Variants in DTD1 observed in about 807,000 individuals in gnomAD.
DTD1 encodes D-aminoacyl-tRNA deacylase 1.
A neutral mutation model predicts 25.6 loss-of-function variants in DTD1; 13 were observed. The observed-to-expected ratio is 0.51, with a 90% CI of 0.33 to 0.81. The LOEUF (loss-of-function observed/expected upper bound fraction) is 0.81. Among genes scored for constraint, DTD1 ranks in the 30% least tolerant of loss-of-function variants. The probability of loss-of-function intolerance (pLI) is 0.02; values close to 1 mark genes in which losing one functional copy is unlikely to be tolerated. For synonymous variants in DTD1, 110 were observed against 103.6 expected (o/e 1.06, Z -0.37); for missense variants, 193 against 266.4 (o/e 0.72, Z 1.92).
intron 4 of DTD1, among the ~76,000 whole-genome samples, chr20:18,709,280 C>T (rs1432426362): frequency 6.6e-6 from 1 of 152,154 alleles, no homozygotes; most frequent in Non-Finnish European, 1.5e-5. Context: ...CAGAAAGGTG[C>T]ATGTTTATGT....
At chr20:18,698,982 A>C (rs954575880) in intron 4 of DTD1, among the ~76,000 whole-genome samples, 1 of 152,104 alleles carries the variant, frequency 6.6e-6, no homozygotes, top group Non-Finnish European at 1.5e-5. Context: ...GTCTGTGTCC[A>C]AGGCAGGCCA....
In DTD1 at chr20:18,701,638, G is replaced by A. The variant is rs147689287; in HGVS notation, c.478-42462G>A. The stretch of plus-strand genomic sequence containing the variant: ...GGAGTCTGTCTGGCCTTTCAGTGTC[G>A]GGGAGAGCAGTAGGATGGGACCACG... On this transcript the variant is annotated intron_variant, in intron 4 of 5. Coordinates refer to ENST00000377452, the MANE Select transcript of DTD1 (RefSeq NM_080820.6). Among the ~76,000 whole-genome samples the A allele has an allele frequency of 4.6e-5, 7 of 152,262 alleles. No individual in the cohort carries two copies. The East Asian group carries it at 5.8e-4, about 13-fold the overall frequency.
chr20:18,663,013 G>C (rs1043019257), intron 4 of DTD1, among the ~76,000 whole-genome samples: 1 of 152,206 alleles, frequency 6.6e-6, no homozygotes, highest in African/African-American at 2.4e-5. Context: ...CAGGAACCAT[G>C]TGTCTCTGGT....
At chr20:18,606,911 A>G (rs891039458) in intron 3 of DTD1, among the ~76,000 whole-genome samples, 1 of 150,782 alleles carries the variant, frequency 6.6e-6, no homozygotes, top group Non-Finnish European at 1.5e-5. Context: ...CATGTACCCT[A>G]AAACTTAAAG....
chr20:18,692,343 C>T (rs1299302444), intron 4 of DTD1, among the ~76,000 whole-genome samples: 4 of 152,216 alleles, frequency 2.6e-5, no homozygotes, highest in Admixed American at 1.3e-4. Context: ...GTCTCTGGAA[C>T]GTAGCATCTC....
At chr20:18,657,423 T>C (rs1568660391) in intron 4 of DTD1, among the ~76,000 whole-genome samples, 1 of 152,214 alleles carries the variant, frequency 6.6e-6, no homozygotes, top group Non-Finnish European at 1.5e-5. Context: ...GAGATAAAAA[T>C]GGTCTAAAAC....
intron 4 of DTD1, among the ~76,000 whole-genome samples, chr20:18,659,464 C>G (rs1182915948): frequency 2.6e-5 from 4 of 152,174 alleles, no homozygotes; most frequent in Admixed American, 1.3e-4. Flanking sequence ...TCAACTTAAG[C>G]TTGAAATTGA....
intron 4 of DTD1, chr20:18,698,342 C>T (rs1476948245): frequency 6.6e-6 from 1 of 152,162 alleles, no homozygotes; most frequent in East Asian, 1.9e-4. Flanking sequence ...ATTTTGTCAA[C>T]CCTTTAACAT....
intron 4 of DTD1, among the ~76,000 whole-genome samples, chr20:18,701,094 C>A (rs907781209): frequency 3.9e-5 from 6 of 151,962 alleles, no homozygotes; most frequent in Non-Finnish European, 7.4e-5. Flanking sequence ...ATGGTGAGCC[C>A]CAGAGAGTTG....
intron 4 of DTD1, among the ~76,000 whole-genome samples, chr20:18,727,730 A>G (rs965370933): frequency 2.6e-5 from 4 of 152,088 alleles, no homozygotes; most frequent in Admixed American, 6.5e-5. Flanking sequence ...TGGGCATTCC[A>G]TGTAAAGGAG....
intron 5 of DTD1, among the ~76,000 whole-genome samples, chr20:18,746,906 G>T (rs1241205360): frequency 6.6e-6 from 1 of 152,110 alleles, no homozygotes; most frequent in Non-Finnish European, 1.5e-5. Flanking sequence ...CTAGTGTTGT[G>T]CAGGGAGACA....
At chr20:18,726,205 A>G (rs1288654340) in intron 4 of DTD1, among the ~76,000 whole-genome samples, 1 of 152,160 alleles carries the variant, frequency 6.6e-6, no homozygotes, top group Non-Finnish European at 1.5e-5. Context: ...ATTGAACCTA[A>G]AATGCAAGCA....
chr20:18,714,731 TAAG>T lies in DTD1; in HGVS notation c.478-29364_478-29362del, dbSNP rs1444075888. Among the ~76,000 whole-genome samples, 14 of 152,288 alleles carry T rather than the reference TAAG, an allele frequency of 9.2e-5. No individual in the cohort carries two copies. The East Asian group carries it at 2.7e-3, about 29-fold the overall frequency. On this transcript the variant is annotated intron_variant, in intron 4 of 5. Transcript: ENST00000377452. ...GTGTCTTTCTCAGATGAGGAGCAGG[TAAG>T]AAGATTAGTTTTGATGAATCATCCA...
At chr20:18,705,524 G>C in intron 4 of DTD1, among the ~76,000 whole-genome samples, 1 of 152,302 alleles carries the variant, frequency 6.6e-6, no homozygotes, top group South Asian at 2.1e-4. Flanking sequence ...CTACCGCCAG[G>C]TTCAGGTACC....
chr20:18,749,678 C>T lies in DTD1; in HGVS notation c.*19+5407C>T, dbSNP rs2061314524. Among the ~76,000 whole-genome samples, 1 of 152,192 alleles carries T rather than the reference C, an allele frequency of 6.6e-6. No individual in the cohort carries two copies. The highest frequency in any genetic ancestry group is 1.5e-5 in the Non-Finnish European group (1 of 68,034). On this transcript the variant is annotated intron_variant, in intron 5 of 5. Coordinates refer to ENST00000377452, the MANE Select transcript of DTD1 (RefSeq NM_080820.6). The surrounding 1 kb of genome is among the most constrained non-coding windows in gnomAD (Gnocchi z 4.2). ...GGGCCTTGGGTCCCTGAGCAAGAGA[C>T]ACCAAACTTCAAGTAGCCCACCGTC...
At chr20:18,676,547 G>A (rs1176603527) in intron 4 of DTD1, among the ~76,000 whole-genome samples, 2 of 152,122 alleles carry the variant, frequency 1.3e-5, no homozygotes, top group Non-Finnish European at 2.9e-5. Flanking sequence ...TCCACCCCGT[G>A]GTGTAGCCAA....
intron 1 of DTD1, among the ~76,000 whole-genome samples, chr20:18,591,897 A>G (rs904634118): frequency 3.9e-5 from 6 of 152,234 alleles, no homozygotes; most frequent in African/African-American, 1.4e-4. Flanking sequence ...GGCTCAAAGG[A>G]CAATAAGTCA....
chr20:18,589,029 C>G (rs2060578153), intron 1 of DTD1: 1 of 365,680 alleles, frequency 2.7e-6, no homozygotes, highest in Admixed American at 6.4e-5. Flanking sequence ...ACCAAATATG[C>G]GTTCTTGTGT....
chr20:18,693,739 C>T (rs892607130), intron 4 of DTD1, among the ~76,000 whole-genome samples: 2 of 152,034 alleles, frequency 1.3e-5, no homozygotes, highest in Non-Finnish European at 2.9e-5. Flanking sequence ...TGCTCCTTAA[C>T]CAAGCACCTT....
Sources: allele counts gnomAD v4.1 joint callset (sites outside exome capture counted in the v4.1 genomes callset), GRCh38; gene constraint gnomAD v4.1.1; non-coding constraint Gnocchi (gnomAD v3.1); transcripts MANE v1.5; gene names NCBI Gene and HGNC (gene_info 2026-07-23, HGNC 2026-07-21).